MTG1: variants seen among roughly 807,000 people sequenced by gnomAD.
MTG1 encodes mitochondrial ribosome associated GTPase 1.
Under a neutral mutation model 39.5 loss-of-function variants are expected in MTG1, and 30 were observed. The ratio of observed to expected loss-of-function variants is 0.76; its 90% confidence interval spans 0.57 to 1.03. The LOEUF is 1.03. Among genes scored for constraint, MTG1 ranks in the 50% least tolerant of loss-of-function variants. MTG1 has a pLI of 0.00. For missense variants in MTG1, 513 were observed against 447.4 expected, an observed-to-expected ratio of 1.15 and a Z score of -1.32; for synonymous variants, 217 against 179.0, an observed-to-expected ratio of 1.21 and a Z score of -1.69.
At chr10:133,409,301 A>T (rs1409346394) in intron 9 of MTG1, among the ~76,000 whole-genome samples, 1 of 152,132 alleles carries the variant, frequency 6.6e-6, no homozygotes, top group East Asian at 1.9e-4. Context: ...TAACCCATTG[A>T]TCATTCAGGA....
intron 9 of MTG1, among the ~76,000 whole-genome samples, chr10:133,404,766 C>G (rs1479479005): frequency 6.6e-6 from 1 of 152,064 alleles, no homozygotes; most frequent in Non-Finnish European, 1.5e-5. Flanking sequence ...CATGGAGAAC[C>G]AGTTGTTCCG....
chr10:133,399,380 G>T (rs942569970), intron 5 of MTG1, 149 bp from the exon 6 acceptor site: 4 of 1,179,362 alleles, frequency 3.4e-6, no homozygotes, highest in Admixed American at 2.0e-5. Flanking sequence ...GGCCGAGGCC[G>T]TCCCCGCTGG....
chr10:133,398,484 C>A lies in MTG1; in HGVS notation c.332C>A (p.Thr111Asn). Residue 111 changes from threonine to asparagine, a missense_variant, in exon 4 of 11, where the codon ACC becomes AAC. Coordinates refer to ENST00000317502, the MANE Select transcript of MTG1 (RefSeq NM_138384.4). ...GAAGGCCTAAAAAATGTCATTTTTACCAACTGTGTAAAGGATGAAAATGTC... is the reference window on the plus strand; with the variant it reads ...GAAGGCCTAAAAAATGTCATTTTTAACAACTGTGTAAAGGATGAAAATGTC... Reference protein sequence around the residue: ...EGEGLKNVIFTNCVKDENVKQ... With the variant: ...EGEGLKNVIFNNCVKDENVKQ... The A allele has an allele frequency of 6.2e-7, 1 of 1,613,846 alleles. No individual in the cohort carries two copies. The highest frequency in any genetic ancestry group is 8.5e-7 in the Non-Finnish European group (1 of 1,179,962).
intron 6 of MTG1, among the ~76,000 whole-genome samples, chr10:133,400,795 CTG>C (rs1849863378): frequency 1.3e-5 from 2 of 152,204 alleles, no homozygotes; most frequent in South Asian, 2.1e-4. Context: ...CACTTTCTGT[CTG>C]TGAATTCGAT....
In MTG1 at chr10:133,420,428, T is replaced by C. The variant is rs1850213365; in HGVS notation, c.*263T>C. 2 of 422,728 alleles carry C rather than the reference T, an allele frequency of 4.7e-6. No individual in the cohort carries two copies. Among genetic ancestry groups the C allele is most frequent in the South Asian group, 1.5e-4 (2 of 13,234 alleles). 26.2% of individuals were successfully genotyped at this position (422,728 alleles called of 1,614,324 possible). A position where few individuals can be genotyped will look rare whatever the true frequency, so the allele number is the denominator to read the frequency against. On this transcript the variant is annotated 3_prime_UTR_variant, in exon 11 of 11. Transcript: ENST00000317502. ...TCTCCCGGAGCTTCCTGCTCAGGCC[T>C]CTTGAGAAATGGATGCTGTCTCAGA...
intron 9 of MTG1, among the ~76,000 whole-genome samples, chr10:133,412,329 C>G (rs987637596): frequency 2.0e-5 from 3 of 152,072 alleles, no homozygotes; most frequent in South Asian, 2.1e-4. Context: ...TTTATGTTCA[C>G]TTTTGATTTT....
rs147046336 is a variant in MTG1, at chr10:133,421,900, C to CGGGGGTGGGG, written c.*1737_*1738insGGGTGGGGGG. ...TGGAGAGGGTGAGATCCCAAGGCCA[C>CGGGGGTGGGG]GGCGGGGGGCAGGGAGAACCCCTCC... is the stretch of plus-strand genomic sequence containing the variant. On this transcript the variant is annotated 3_prime_UTR_variant, in exon 11 of 11. Coordinates refer to ENST00000317502, the MANE Select transcript of MTG1 (RefSeq NM_138384.4). 8.6e-6 allele frequency: 1 copy of CGGGGGTGGGG among 115,872 alleles called. No homozygotes were observed. The allele number at this position is 115,872 out of a possible 1,614,324, so 7.2% of individuals were successfully genotyped here. A position where few individuals can be genotyped will look rare whatever the true frequency, so the allele number is the denominator to read the frequency against.
At chr10:133,399,400 G>T in intron 5 of MTG1, 129 bp from the exon 6 acceptor site, 1 of 1,190,164 alleles carries the variant, frequency 8.4e-7, no homozygotes, top group Non-Finnish European at 1.2e-6. Flanking sequence ...GGTGGGCAGA[G>T]CCTCGGCGTT....
chr10:133,408,341 G>T (rs929191926), intron 9 of MTG1, among the ~76,000 whole-genome samples: 3 of 152,056 alleles, frequency 2.0e-5, no homozygotes, highest in Admixed American at 1.3e-4. Context: ...CCTTGGTTCT[G>T]TTTAATGTTA....
At position 133,395,740 on chromosome 10, in the gene MTG1, A is replaced by G; in HGVS notation, c.140A>G (p.Lys47Arg). 1 of 1,614,146 alleles carries G rather than the reference A, an allele frequency of 6.2e-7. No individual in the cohort carries two copies. Among genetic ancestry groups the G allele is most frequent in the Non-Finnish European group, 8.5e-7 (1 of 1,180,026 alleles). The change falls in exon 2 of 11, where the codon AAG becomes AGG. Residue 47 changes from lysine (K) to arginine (R), a missense_variant. Lys to Arg is a conservative substitution (Grantham distance 26). Coordinates refer to ENST00000317502, the MANE Select transcript of MTG1 (RefSeq NM_138384.4). ...KGLKKMQSSL[K>R]LVDCIIEVHD... ...CTGAAGAAGATGCAGAGCAGCCTGAAGCTGGTGGACTGTATCATCGAGGTC... is the reference window on the plus strand; with the variant it reads ...CTGAAGAAGATGCAGAGCAGCCTGAGGCTGGTGGACTGTATCATCGAGGTC...
chr10:133,402,367 GC>G lies in MTG1; in HGVS notation c.670+124del. 8.6e-7 allele frequency: 1 copy of G among 1,167,952 alleles called. No homozygotes were observed. The highest frequency in any genetic ancestry group is 1.3e-6 in the Non-Finnish European group (1 of 796,384). The allele number at this position is 1,167,952 out of a possible 1,614,324, so 72.3% of individuals were successfully genotyped here. ...TGTTACTGCCTTTGACCTGGTTGCTGCCAGACCTTCCTCGAAGCTTAGTGTG... is the reference window on the plus strand; with the variant it reads ...TGTTACTGCCTTTGACCTGGTTGCTGCAGACCTTCCTCGAAGCTTAGTGTG... On this transcript the variant is annotated intron_variant, in intron 8 of 10. Transcript: ENST00000317502. This position sits in a 1 kb window ranked among gnomAD's most constrained non-coding sequence, Gnocchi z 4.7.
At chr10:133,405,878 A>T (rs1030490653) in intron 9 of MTG1, among the ~76,000 whole-genome samples, 2 of 152,184 alleles carry the variant, frequency 1.3e-5, no homozygotes, top group Non-Finnish European at 2.9e-5. Context: ...ATCCTATGGC[A>T]GTTCTATTTG....
intron 9 of MTG1, among the ~76,000 whole-genome samples, chr10:133,414,579 C>T (rs1234809481): frequency 4.0e-5 from 6 of 151,590 alleles, no homozygotes; most frequent in Non-Finnish European, 7.4e-5. Flanking sequence ...GGCGGCGGGG[C>T]AGAGACACTC....
intron 9 of MTG1, among the ~76,000 whole-genome samples, chr10:133,404,290 C>G (rs755150506): frequency 3.3e-5 from 5 of 151,928 alleles, no homozygotes; most frequent in African/African-American, 7.3e-5. Context: ...CCACACATAG[C>G]TGATTTTTGT....
At chr10:133,410,724 A>G (rs1418188073) in intron 9 of MTG1, among the ~76,000 whole-genome samples, 1 of 152,242 alleles carries the variant, frequency 6.6e-6, no homozygotes, top group African/African-American at 2.4e-5. Context: ...GTGAGCTATG[A>G]TCGTGCCATC....
Position 133,402,525 on chromosome 10 carries a change from C to T in MTG1, c.671-167C>T, listed in dbSNP as rs982472922. The T allele has an allele frequency of 2.2e-5, 16 of 725,136 alleles. No individual in the cohort carries two copies. The highest frequency in any genetic ancestry group is 1.3e-4 in the South Asian group (7 of 55,754). 44.9% of individuals were successfully genotyped at this position (725,136 alleles called of 1,614,324 possible). ...GCAGGTGCCAGGCAGGAGTGGGGGC[C>T]GGGACCACAGCCGAGTGCCGTCCTC... is the stretch of plus-strand genomic sequence containing the variant. On this transcript the variant is annotated intron_variant, in intron 8 of 10. Coordinates refer to ENST00000317502, the MANE Select transcript of MTG1 (RefSeq NM_138384.4). The surrounding 1 kb of genome is among the most constrained non-coding windows in gnomAD (Gnocchi z 4.7).
intron 9 of MTG1, among the ~76,000 whole-genome samples, chr10:133,408,427 C>G (rs552294634): frequency 2.0e-5 from 3 of 152,292 alleles, no homozygotes; most frequent in South Asian, 4.1e-4. Context: ...GGTGAATGAT[C>G]TTTGTAACAT....
intron 9 of MTG1, among the ~76,000 whole-genome samples, chr10:133,406,665 C>CTTTTTT (rs34249527): frequency 2.4e-5 from 3 of 122,958 alleles, no homozygotes; most frequent in Non-Finnish European, 3.3e-5. Flanking sequence ...AGATTTAAGT[C>CTTTTTT]TTTTTTTTTT....
At chr10:133,397,483 CTT>C (rs755741791) in intron 3 of MTG1, among the ~76,000 whole-genome samples, 12 of 142,320 alleles carry the variant, frequency 8.4e-5, no homozygotes, top group East Asian at 2.0e-4. Flanking sequence ...GTCTTATTTT[CTT>C]TTTTTTTTTT....
Sources: allele counts gnomAD v4.1 joint callset (sites outside exome capture counted in the v4.1 genomes callset), GRCh38; gene constraint gnomAD v4.1.1; non-coding constraint Gnocchi (gnomAD v3.1); transcripts MANE v1.5; gene names NCBI Gene and HGNC (gene_info 2026-07-23, HGNC 2026-07-21).